POGZ: variants seen among roughly 807,000 people sequenced by gnomAD.
The protein encoded by POGZ is pogo transposable element derived with ZNF domain, also known as pogo transposable element with ZNF domain.
A neutral mutation model predicts 134.6 loss-of-function variants in POGZ; 17 were observed. That is an observed-to-expected ratio of 0.13 (90% CI 0.09 to 0.19). POGZ has a LOEUF of 0.19. Among genes scored for constraint, POGZ ranks in the 10% least tolerant of loss-of-function variants. The pLI is 1.00. For missense variants in POGZ, 1,306 were observed against 1,769.7 expected, an observed-to-expected ratio of 0.74 and a Z score of 4.70; for synonymous variants, 693 against 657.1, an observed-to-expected ratio of 1.05 and a Z score of -0.84.
chr1:151,420,368 G>C (rs1656681607), intron 10 of POGZ, among the ~76,000 whole-genome samples: 1 of 152,176 alleles, frequency 6.6e-6, no homozygotes, highest in Non-Finnish European at 1.5e-5. Context: ...CCAAGCTGGA[G>C]TGCAGTGGCG....
chr1:151,419,261 C>T (rs1169541871), intron 10 of POGZ, among the ~76,000 whole-genome samples: 1 of 151,938 alleles, frequency 6.6e-6, no homozygotes, highest in African/African-American at 2.4e-5. Flanking sequence ...ACTTGGGAGA[C>T]TGAGGCACAA....
At chr1:151,446,909 T>C (rs192107335) in intron 1 of POGZ, among the ~76,000 whole-genome samples, 36 of 152,216 alleles carry the variant, frequency 2.4e-4, no homozygotes, top group Non-Finnish European at 4.6e-4. Context: ...CAAATTTTAA[T>C]TGAATAAAAA....
At chr1:151,433,167 A>G (rs1658985597) in intron 3 of POGZ, among the ~76,000 whole-genome samples, 1 of 152,200 alleles carries the variant, frequency 6.6e-6, no homozygotes, top group Non-Finnish European at 1.5e-5. Flanking sequence ...CATTTATGGG[A>G]AATCAGTCAG....
chr1:151,433,606 C>CAAAAAAAAAAA (rs57509550), intron 3 of POGZ, among the ~76,000 whole-genome samples: 2 of 81,738 alleles, frequency 2.4e-5, no homozygotes, highest in Non-Finnish European at 4.6e-5. Context: ...AATTCCGTCT[C>CAAAAAAAAAAA]AAAAAAAAAA....
intron 1 of POGZ, chr1:151,454,835 C>T (rs565158949): frequency 1.3e-5 from 2 of 152,382 alleles, no homozygotes; most frequent in South Asian, 4.1e-4. Flanking sequence ...TTCAGTTGGG[C>T]GTGGTGGCTC....
At chr1:151,434,062 A>T (rs2102326231) in intron 3 of POGZ, among the ~76,000 whole-genome samples, 1 of 152,186 alleles carries the variant, frequency 6.6e-6, no homozygotes, top group South Asian at 2.1e-4. Flanking sequence ...TAATGTCAGC[A>T]CTTTGGGAGG....
intron 1 of POGZ, among the ~76,000 whole-genome samples, chr1:151,448,548 C>T (rs1661590662): frequency 6.6e-6 from 1 of 151,988 alleles, no homozygotes; most frequent in African/African-American, 2.4e-5. Context: ...TTAATCAAGC[C>T]TTTTAGCAAG....
chr1:151,424,372 C>T (rs1230532049), intron 8 of POGZ, 86 bp from the exon 9 acceptor site: 3 of 859,336 alleles, frequency 3.5e-6, no homozygotes, highest in Non-Finnish European at 5.3e-6. Context: ...TCCTTGTTAA[C>T]GGTTTGGTTT....
intron 1 of POGZ, among the ~76,000 whole-genome samples, chr1:151,452,817 T>C (rs1662294621): frequency 1.3e-5 from 2 of 151,442 alleles, no homozygotes; most frequent in South Asian, 4.2e-4. Context: ...TGAGCCAAGA[T>C]TGTGCCACTG....
At position 151,403,208 on chromosome 1, in the gene POGZ, A is replaced by G. The variant is rs1008469297; in HGVS notation, c.*1594T>C. On this transcript the variant is annotated 3_prime_UTR_variant, in exon 19 of 19. Transcript: ENST00000271715. Reference sequence around the variant, plus strand: ...TTATAGTGTGCTGGGGGATGAAAAAACAAACAAACAAAAAAGCAGGGTGGG... The same window carrying G: ...TTATAGTGTGCTGGGGGATGAAAAAGCAAACAAACAAAAAAGCAGGGTGGG... 3 of 984,720 alleles carry G rather than the reference A, an allele frequency of 3.0e-6. No individual in the cohort carries two copies. The Admixed American group carries it at 1.8e-4, about 61-fold the overall frequency. The allele number at this position is 984,720 out of a possible 1,614,324, so 61.0% of individuals were successfully genotyped here. A position where few individuals can be genotyped will look rare whatever the true frequency, so the allele number is the denominator to read the frequency against.
rs1382033574 is a variant in POGZ, at chr1:151,402,957, A to G, written c.*1845T>C. On this transcript the variant is annotated 3_prime_UTR_variant, in exon 19 of 19. Transcript: ENST00000271715. Reference sequence around the variant, plus strand: ...TGCTAAGGCTGTGGCTGCTGCAGAGACTACCAAAGAGTAGGATTAGGTTGT... The same window carrying G: ...TGCTAAGGCTGTGGCTGCTGCAGAGGCTACCAAAGAGTAGGATTAGGTTGT... The G allele has an allele frequency of 6.5e-6, 1 of 152,808 alleles. No individual in the cohort carries two copies. Among genetic ancestry groups the G allele is most frequent in the Non-Finnish European group, 1.5e-5 (1 of 68,180 alleles). The allele number at this position is 152,808 out of a possible 1,614,324, so 9.5% of individuals were successfully genotyped here. A position where few individuals can be genotyped will look rare whatever the true frequency, so the allele number is the denominator to read the frequency against.
chr1:151,451,818 T>C (rs1174790565), intron 1 of POGZ, among the ~76,000 whole-genome samples: 1 of 151,432 alleles, frequency 6.6e-6, no homozygotes, highest in Non-Finnish European at 1.5e-5. Flanking sequence ...AATGTTCGGC[T>C]GGACGCGGTG....
intron 3 of POGZ, among the ~76,000 whole-genome samples, chr1:151,440,202 T>G (rs1279888549): frequency 6.6e-6 from 1 of 151,874 alleles, no homozygotes; most frequent in African/African-American, 2.4e-5. Context: ...TTTTTCACTT[T>G]ATAGTTTTTC....
chr1:151,419,127 G>A (rs998792121), intron 10 of POGZ, among the ~76,000 whole-genome samples: 11 of 151,910 alleles, frequency 7.2e-5, no homozygotes, highest in African/African-American at 2.7e-4. Context: ...GCCGATGCAG[G>A]TATATCATTT....
chr1:151,457,359 C>A (rs1341199804), intron 1 of POGZ, among the ~76,000 whole-genome samples: 2 of 152,120 alleles, frequency 1.3e-5, no homozygotes, highest in Non-Finnish European at 2.9e-5. Flanking sequence ...CAGTCTCAGC[C>A]CCAGGACTGC....
rs567869164 is a variant in POGZ at position 151,434,723 on chromosome 1, C to G, written c.284-3882G>C. Among the ~76,000 whole-genome samples, 298 of 151,972 alleles carry G rather than the reference C, an allele frequency of 2.0e-3. 1 individual carries two copies. Among genetic ancestry groups the G allele is most frequent in the African/African-American group, 7.1e-3 (293 of 41,468 alleles). Reference sequence around the variant, plus strand: ...TCAGCCTCCCAAGTAGCTGGGACTACAGGCACATGCCACCATGCCCAGCTC... The same window carrying G: ...TCAGCCTCCCAAGTAGCTGGGACTAGAGGCACATGCCACCATGCCCAGCTC... On this transcript the variant is annotated intron_variant, in intron 3 of 18. Coordinates refer to ENST00000271715, the MANE Select transcript of POGZ (RefSeq NM_015100.4).
At chr1:151,431,302 A>T (rs1318430071) in intron 3 of POGZ, among the ~76,000 whole-genome samples, 1 of 152,192 alleles carries the variant, frequency 6.6e-6, no homozygotes, top group African/African-American at 2.4e-5. Flanking sequence ...GACTCTCATG[A>T]TTTAAGTGAC....
rs1000881457 is a variant in POGZ at position 151,459,198 on chromosome 1, T to A, written c.-48A>T. 6.8e-6 allele frequency: 1 copy of A among 146,960 alleles called. No individual in the cohort carries two copies. The highest frequency in any genetic ancestry group is 1.5e-5 in the Non-Finnish European group (1 of 66,562). The allele number at this position is 146,960 out of a possible 1,614,324, so 9.1% of individuals were successfully genotyped here. ...GTAGTCTGACCCGAGGAAGGCGCCG[T>A]CGCCTTAAAGGGACCTTACACCCGG... On this transcript the variant is annotated 5_prime_UTR_variant, in exon 1 of 19. Coordinates refer to ENST00000271715, the MANE Select transcript of POGZ (RefSeq NM_015100.4).
At chr1:151,417,724 ACACAC>A (rs1557889841) in intron 10 of POGZ, among the ~76,000 whole-genome samples, 1 of 140,442 alleles carries the variant, frequency 7.1e-6, no homozygotes, top group Non-Finnish European at 1.5e-5. Context: ...ACACACACAC[ACACAC>A]AAAAGGCCTT....
Sources: allele counts gnomAD v4.1 joint callset (sites outside exome capture counted in the v4.1 genomes callset), GRCh38; gene constraint gnomAD v4.1.1; transcripts MANE v1.5; gene names NCBI Gene and HGNC (gene_info 2026-07-23, HGNC 2026-07-21).